The following EFCAB11 variants were observed in gnomAD, a reference collection of about 807,000 sequenced individuals.
EFCAB11 encodes EF-hand calcium binding domain 11.
EFCAB11 carries 14 observed loss-of-function variants against 23.0 expected under a neutral mutation model. The observed-to-expected ratio is 0.61, with a 90% CI of 0.40 to 0.95. The LOEUF (loss-of-function observed/expected upper bound fraction) is 0.95. Among genes scored for constraint, EFCAB11 ranks in the 40% least tolerant of loss-of-function variants. EFCAB11 has a pLI of 0.00. For missense variants in EFCAB11, 198 were observed against 195.8 expected (o/e 1.01, Z -0.07); for synonymous variants, 65 against 66.6 (o/e 0.98, Z 0.11).
At chr14:89,949,155 G>T (rs1323251296) in intron 3 of EFCAB11, among the ~76,000 whole-genome samples, 1 of 151,932 alleles carries the variant, frequency 6.6e-6, no homozygotes, top group Non-Finnish European at 1.5e-5. Context: ...TAACACAAAG[G>T]ATTAATGCTC....
chr14:89,847,878 T>C (rs1283132488), intron 5 of EFCAB11, among the ~76,000 whole-genome samples: 1 of 152,052 alleles, frequency 6.6e-6, no homozygotes, highest in Non-Finnish European at 1.5e-5. Context: ...AACTTAAAAC[T>C]CAGTCTTCTC....
chr14:89,903,790 G>T (rs1055049730), intron 5 of EFCAB11, among the ~76,000 whole-genome samples: 7 of 152,046 alleles, frequency 4.6e-5, no homozygotes, highest in Non-Finnish European at 1.0e-4. Flanking sequence ...GCAGAACTTT[G>T]AAATGCATTA....
intron 3 of EFCAB11, chr14:89,938,290 T>C (rs1890664149): frequency 2.0e-5 from 3 of 151,994 alleles, no homozygotes; most frequent in African/African-American, 7.2e-5. Context: ...TTTCCAGGAG[T>C]TAAAAAAATG....
At chr14:89,949,232 T>A (rs2139844679) in intron 3 of EFCAB11, among the ~76,000 whole-genome samples, 1 of 152,030 alleles carries the variant, frequency 6.6e-6, no homozygotes, top group South Asian at 2.1e-4. Flanking sequence ...TCAAAACATC[T>A]CATGTACCAC....
intron 5 of EFCAB11, among the ~76,000 whole-genome samples, chr14:89,902,166 A>G (rs1294259611): frequency 1.3e-5 from 2 of 152,126 alleles, no homozygotes; most frequent in Non-Finnish European, 2.9e-5. Flanking sequence ...CTCTAGGCTT[A>G]TACCCATCTC....
chr14:89,924,604 A>C, intron 5 of EFCAB11: 1 of 1,534,582 alleles, frequency 6.5e-7, no homozygotes, highest in Non-Finnish European at 8.7e-7. Flanking sequence ...TGTTGATGGC[A>C]GGCAAAGTCA....
At chr14:89,843,556 T>C (rs925243393) in intron 5 of EFCAB11, among the ~76,000 whole-genome samples, 2 of 152,236 alleles carry the variant, frequency 1.3e-5, no homozygotes, top group African/African-American at 2.4e-5. Flanking sequence ...TCTTTTCAGA[T>C]GACTGTAGAT....
intron 5 of EFCAB11, among the ~76,000 whole-genome samples, chr14:89,909,367 G>A (rs1015558853): frequency 7.9e-5 from 12 of 152,106 alleles, no homozygotes; most frequent in Non-Finnish European, 1.2e-4. Flanking sequence ...CACCTATGGC[G>A]AGGAGTTTGA....
rs144257505 is a variant in EFCAB11 at position 89,801,673 on chromosome 14, G to A, written c.411-4349C>T. Among the ~76,000 whole-genome samples the A allele has an allele frequency of 3.9e-4, 59 of 152,248 alleles. No individual in the cohort carries two copies. In the East Asian group the frequency reaches 0.011, roughly 29 times the overall value. On this transcript the variant is annotated intron_variant, in intron 5 of 5. Transcript: ENST00000316738. ...TCCAACAGTTTTCAAATTTGTAAAAGTAAAAATATTTTGATTCATTGTATT... is the reference window on the plus strand; with the variant it reads ...TCCAACAGTTTTCAAATTTGTAAAAATAAAAATATTTTGATTCATTGTATT...
At chr14:89,820,815 C>T (rs552676257) in intron 5 of EFCAB11, among the ~76,000 whole-genome samples, 1 of 151,946 alleles carries the variant, frequency 6.6e-6, no homozygotes, top group African/African-American at 2.4e-5. Context: ...GGCTATGATG[C>T]CCAGTTGTTT....
At position 89,931,544 on chromosome 14, in the gene EFCAB11, A is replaced by C; in HGVS notation, c.407T>G (p.Phe136Cys). Reference protein sequence around the residue: ...KLPERTVLEVFREVDRDSDGH... With the variant: ...KLPERTVLEVCREVDRDSDGH... ...CAGAAGGATTTTGATGCCTTACCTG[A>C]ATACCTCAAGAACAGTCCTTTCCGG... The change falls in exon 5 of 6, where the codon TTC (phenylalanine) becomes TGC (cysteine). Residue 136 changes from phenylalanine to cysteine, a missense_variant. Phe to Cys is a radical substitution (Grantham distance 205). Coordinates refer to ENST00000316738, the MANE Select transcript of EFCAB11 (RefSeq NM_145231.4). 6.2e-7 allele frequency: 1 copy of C among 1,613,218 alleles called. No homozygotes were observed. Among genetic ancestry groups the C allele is most frequent in the South Asian group, 1.1e-5 (1 of 90,750 alleles).
chr14:89,915,969 T>C (rs2139776318), intron 5 of EFCAB11, among the ~76,000 whole-genome samples: 1 of 152,272 alleles, frequency 6.6e-6, no homozygotes, highest in East Asian at 1.9e-4. Flanking sequence ...ATATATATGC[T>C]ATCTAGCCAT....
intron 5 of EFCAB11, among the ~76,000 whole-genome samples, chr14:89,819,608 A>C (rs6575087): frequency 0.83 from 126,032 of 151,892 alleles, 52,617 homozygotes; most frequent in Non-Finnish European, 0.88. Context: ...TATAAAAAAA[A>C]CCCATTTCTT....
intron 5 of EFCAB11, among the ~76,000 whole-genome samples, chr14:89,857,003 A>G (rs1887774206): frequency 6.6e-6 from 1 of 152,196 alleles, no homozygotes; most frequent in Non-Finnish European, 1.5e-5. Flanking sequence ...CAAGGATACT[A>G]CTTGGGGCTC....
intron 5 of EFCAB11, among the ~76,000 whole-genome samples, chr14:89,880,283 T>C (rs1888560763): frequency 1.3e-5 from 2 of 152,174 alleles, no homozygotes; most frequent in African/African-American, 2.4e-5. Flanking sequence ...CACCATTCCA[T>C]GAACCAGGGA....
At chr14:89,821,762 C>T (rs1053921659) in intron 5 of EFCAB11, among the ~76,000 whole-genome samples, 1 of 152,152 alleles carries the variant, frequency 6.6e-6, no homozygotes, top group Non-Finnish European at 1.5e-5. Context: ...ACACCAGGAG[C>T]ACACCCTTTT....
At chr14:89,860,490 T>G (rs1164567768) in intron 5 of EFCAB11, among the ~76,000 whole-genome samples, 1 of 152,210 alleles carries the variant, frequency 6.6e-6, no homozygotes, top group African/African-American at 2.4e-5. Flanking sequence ...ATGCTGTCAA[T>G]CTGGGGTGTT....
intron 5 of EFCAB11, among the ~76,000 whole-genome samples, chr14:89,859,046 T>C (rs1566786881): frequency 6.6e-6 from 1 of 152,116 alleles, no homozygotes; most frequent in African/African-American, 2.4e-5. Flanking sequence ...ATAAGGCCTA[T>C]GGTAAGGCAG....
intron 5 of EFCAB11, among the ~76,000 whole-genome samples, chr14:89,901,598 T>C (rs1204381909): frequency 3.3e-5 from 5 of 152,160 alleles, no homozygotes; most frequent in African/African-American, 1.2e-4. Flanking sequence ...AGCAACCCAC[T>C]AGCATGACTT....
Sources: allele counts gnomAD v4.1 joint callset (sites outside exome capture counted in the v4.1 genomes callset), GRCh38; gene constraint gnomAD v4.1.1; transcripts MANE v1.5; gene names NCBI Gene and HGNC (gene_info 2026-07-23, HGNC 2026-07-21).